Variants in EXT2 observed in about 807,000 individuals in gnomAD.
The protein encoded by EXT2 is exostosin-2.
EXT2 carries 53 observed loss-of-function variants against 81.6 expected under a neutral mutation model. The ratio of observed to expected loss-of-function variants is 0.65; its 90% CI spans 0.52 to 0.82. The LOEUF is 0.82. Ranked by LOEUF, EXT2 falls within the 40% of genes least tolerant of loss-of-function variation. The pLI, the probability that EXT2 is intolerant of heterozygous loss-of-function variation, is 0.00. For synonymous variants in EXT2, 320 were observed against 340.0 expected, an observed-to-expected ratio of 0.94 and a Z score of 0.65; for missense variants, 774 against 910.2, an observed-to-expected ratio of 0.85 and a Z score of 1.93.
intron 4 of EXT2, among the ~76,000 whole-genome samples, chr11:44,119,193 CA>C (rs1954281261): frequency 8.0e-6 from 1 of 125,418 alleles, no homozygotes; most frequent in Non-Finnish European, 1.7e-5. Flanking sequence ...CACACACACA[CA>C]TTTTTGACTG....
chr11:44,232,442 T>G lies in EXT2; in HGVS notation c.1752T>G (p.Ser584=). 1 of 1,614,076 alleles carries G rather than the reference T, an allele frequency of 6.2e-7. No individual in the cohort carries two copies. Among genetic ancestry groups the G allele is most frequent in the Non-Finnish European group, 8.5e-7 (1 of 1,179,970 alleles). ...DHEMNKWKYE[S]EWTNEVSMVL... is the part of the protein sequence containing the mutation. ...AGATGAATAAGTGGAAGTATGAGTC[T>G]GAGTGGACGAATGAAGTGTCCATGG... The change falls in exon 11 of 14, where the codon TCT becomes TCG. Residue 584 remains serine (S), a synonymous_variant. Coordinates refer to ENST00000533608, the MANE Select transcript of EXT2 (RefSeq NM_207122.2).
intron 13 of EXT2, among the ~76,000 whole-genome samples, chr11:44,236,830 C>T (rs757288854): frequency 3.3e-5 from 5 of 152,212 alleles, no homozygotes; most frequent in Non-Finnish European, 5.9e-5. Flanking sequence ...GGATCGAAAG[C>T]AAAGCCCTCA....
At chr11:44,172,785 G>T (rs1217103086) in intron 8 of EXT2, among the ~76,000 whole-genome samples, 1 of 151,924 alleles carries the variant, frequency 6.6e-6, no homozygotes, top group African/African-American at 2.4e-5. Flanking sequence ...GGTTGGCCAG[G>T]CTGGTCTCGA....
intron 8 of EXT2, among the ~76,000 whole-genome samples, chr11:44,180,267 T>C: frequency 6.6e-6 from 1 of 152,210 alleles, no homozygotes; most frequent in East Asian, 1.9e-4. Context: ...CTACTTCCCC[T>C]ATACACTCCT....
intron 8 of EXT2, among the ~76,000 whole-genome samples, chr11:44,190,133 G>C (rs1955372239): frequency 6.6e-6 from 1 of 152,170 alleles, no homozygotes; most frequent in Non-Finnish European, 1.5e-5. Flanking sequence ...TATATCCATT[G>C]ATAGGGAGTC....
chr11:44,125,226 C>T (rs950452702), intron 5 of EXT2, among the ~76,000 whole-genome samples: 48 of 152,198 alleles, frequency 3.2e-4, no homozygotes, highest in African/African-American at 1.2e-3. Context: ...ATTCATTATA[C>T]TTCAAAAAGA....
At chr11:44,224,831 C>A (rs1235923584) in intron 10 of EXT2, among the ~76,000 whole-genome samples, 1 of 152,156 alleles carries the variant, frequency 6.6e-6, no homozygotes, top group East Asian at 1.9e-4. Flanking sequence ...GAGCTAATAT[C>A]TTTGATCCCT....
At chr11:44,236,050 C>T (rs543700263) in intron 12 of EXT2, among the ~76,000 whole-genome samples, 1 of 152,296 alleles carries the variant, frequency 6.6e-6, no homozygotes, top group South Asian at 2.1e-4. Context: ...TTGTCATCAC[C>T]ACTTCTTTCC....
At chr11:44,189,153 C>T (rs1240661509) in intron 8 of EXT2, among the ~76,000 whole-genome samples, 1 of 152,146 alleles carries the variant, frequency 6.6e-6, no homozygotes, top group East Asian at 1.9e-4. Context: ...GTTCAGTACC[C>T]CCAAATGTGA....
chr11:44,238,574 A>C (rs1040539321), intron 13 of EXT2, among the ~76,000 whole-genome samples: 2 of 152,204 alleles, frequency 1.3e-5, no homozygotes, highest in Admixed American at 1.3e-4. Flanking sequence ...ACAGTGTTAC[A>C]TGTATATGTA....
rs1271211738 is a variant in EXT2 at position 44,248,544 on chromosome 11, C to A, written c.*4257C>A. 6.6e-6 allele frequency among the ~76,000 whole-genome samples: 1 copy of A among 152,222 alleles called. No homozygotes were observed. The highest frequency in any genetic ancestry group is 1.5e-5 in the Non-Finnish European group (1 of 68,042). On this transcript the variant is annotated 3_prime_UTR_variant, in exon 14 of 14. Transcript: ENST00000533608. ...TGGTCCCATTATACCAGCCATGCAT[C>A]ATCTGTGAACAGGCCTTATTGAGCT...
At chr11:44,113,014 G>A (rs1012105436) in intron 3 of EXT2, among the ~76,000 whole-genome samples, 30 of 152,170 alleles carry the variant, frequency 2.0e-4, no homozygotes, top group African/African-American at 6.3e-4. Context: ...CCAAGTTCAT[G>A]TTGGATGGTT....
At chr11:44,103,319 G>T (rs115318909) in intron 1 of EXT2, among the ~76,000 whole-genome samples, 1,886 of 151,868 alleles carry the variant, frequency 0.012, 43 homozygotes, top group African/African-American at 0.043. Flanking sequence ...ATCATTTTTG[G>T]AAAAACTTAA....
chr11:44,151,387 C>T (rs1297852732), intron 7 of EXT2, among the ~76,000 whole-genome samples: 1 of 152,066 alleles, frequency 6.6e-6, no homozygotes, highest in Non-Finnish European at 1.5e-5. Flanking sequence ...ATTAATTGCT[C>T]CCTTCTCCCA....
chr11:44,105,234 A>G (rs1954038039), intron 1 of EXT2, among the ~76,000 whole-genome samples: 1 of 152,186 alleles, frequency 6.6e-6, no homozygotes, highest in South Asian at 2.1e-4. Context: ...TTCCCATTAT[A>G]TTAATAGCTT....
intron 7 of EXT2, among the ~76,000 whole-genome samples, chr11:44,143,013 G>A (rs553945462): frequency 1.1e-3 from 163 of 152,270 alleles, no homozygotes; most frequent in African/African-American, 3.4e-3. Flanking sequence ...GTGCAGTGGC[G>A]CAATCTGGGC....
Position 44,238,123 on chromosome 11 carries a change from A to G in EXT2, c.2018+1748A>G, listed in dbSNP as rs529720411. Among the ~76,000 whole-genome samples, 20 of 152,200 alleles carry G rather than the reference A, an allele frequency of 1.3e-4. No individual in the cohort carries two copies. In the South Asian group the frequency reaches 3.5e-3, roughly 27 times the overall value. ...AAAATGCAGTAGGGAGATTTAATTT[A>G]GATATAATTATTATTAAACACTGGA... is the stretch of plus-strand genomic sequence containing the variant. On this transcript the variant is annotated intron_variant, in intron 13 of 13. Coordinates refer to ENST00000533608, the MANE Select transcript of EXT2 (RefSeq NM_207122.2).
chr11:44,168,042 A>G (rs577187776), intron 7 of EXT2, among the ~76,000 whole-genome samples: 34 of 150,434 alleles, frequency 2.3e-4, no homozygotes, highest in African/African-American at 5.4e-4. Flanking sequence ...TCGTAGTTCA[A>G]TTCCCACCTA....
At chr11:44,223,579 C>T (rs1330347193) in intron 10 of EXT2, among the ~76,000 whole-genome samples, 1 of 151,332 alleles carries the variant, frequency 6.6e-6, no homozygotes, top group Non-Finnish European at 1.5e-5. Context: ...CTTGAAATGA[C>T]AAAATTATAG....
Sources: gnomAD v4.1 joint callset for allele counts (sites outside exome capture counted in the v4.1 genomes callset) on GRCh38, gnomAD v4.1.1 for gene constraint, MANE v1.5 for transcripts, NCBI Gene and HGNC (gene_info 2026-07-23, HGNC 2026-07-21) for gene names.